Variants in HERC3 observed in about 807,000 individuals in gnomAD.
HERC3 encodes the protein probable E3 ubiquitin-protein ligase HERC3.
Under a neutral mutation model 129.9 loss-of-function variants are expected in HERC3, and 58 were observed. The observed-to-expected ratio is 0.45, with a 90% confidence interval of 0.36 to 0.56. The LOEUF (loss-of-function observed/expected upper bound fraction) is 0.56, where lower values mean the gene tolerates loss of function less well. Ranked by LOEUF, HERC3 falls within the 20% of genes least tolerant of loss-of-function variation. HERC3 has a pLI of 0.00. For synonymous variants in HERC3, 430 were observed against 451.0 expected (o/e 0.95, Z 0.59); for missense variants, 835 against 1,244.2 (o/e 0.67, Z 4.95).
At chr4:88,690,194 A>G (rs773260549) in intron 23 of HERC3, 81 of 982,338 alleles carry the variant, frequency 8.2e-5, no homozygotes, top group Non-Finnish European at 9.4e-5. Context: ...TTTATATAAC[A>G]TTGGTACTTT....
At chr4:88,524,973 G>A in the HERC3 span, 1 of 151,562 alleles carries the variant, frequency 6.6e-6, no homozygotes, top group South Asian at 2.1e-4. Flanking sequence ...ACTGACAAAT[G>A]TTTATATGTT....
chr4:88,686,871 A>C (rs1188024890), intron 22 of HERC3, 69 bp downstream of exon 22: 5 of 1,110,042 alleles, frequency 4.5e-6, no homozygotes, highest in Non-Finnish European at 6.8e-6. Context: ...GATATTTAAC[A>C]TTAGTTCTTC....
intron 3 of HERC3, among the ~76,000 whole-genome samples, chr4:88,632,413 C>T (rs1726875497): frequency 6.6e-6 from 1 of 152,126 alleles, no homozygotes; most frequent in Non-Finnish European, 1.5e-5. Context: ...TAGGAAAAAC[C>T]AGGAAAATTT....
At chr4:88,620,453 T>A (rs917735163) in intron 3 of HERC3, among the ~76,000 whole-genome samples, 6 of 152,200 alleles carry the variant, frequency 3.9e-5, no homozygotes, top group Admixed American at 3.9e-4. Flanking sequence ...CATCCCTGAT[T>A]TGTCTTGTCT....
the HERC3 span, among the ~76,000 whole-genome samples, chr4:88,544,196 T>G: frequency 6.6e-6 from 1 of 152,128 alleles, no homozygotes; most frequent in Non-Finnish European, 1.5e-5. Context: ...ATATCCAGAA[T>G]CTACAAGGAA....
chr4:88,596,945 ATTC>A (rs1722465615), intron 2 of HERC3, among the ~76,000 whole-genome samples: 1 of 152,234 alleles, frequency 6.6e-6, no homozygotes, highest in Non-Finnish European at 1.5e-5. Context: ...CATACTCTGA[ATTC>A]TTCTGTGACT....
chr4:88,538,366 G>C, the HERC3 span, among the ~76,000 whole-genome samples: 3 of 152,152 alleles, frequency 2.0e-5, no homozygotes, highest in African/African-American at 7.2e-5. Context: ...CTATAACAAA[G>C]TACCACAGAC....
At chr4:88,610,173 G>C (rs1167773705) in intron 3 of HERC3, among the ~76,000 whole-genome samples, 1 of 152,022 alleles carries the variant, frequency 6.6e-6, no homozygotes, top group East Asian at 1.9e-4. Flanking sequence ...GCCTTACCTG[G>C]GCCAGGTGCA....
the HERC3 span, among the ~76,000 whole-genome samples, chr4:88,545,911 A>C: frequency 1.3e-5 from 2 of 152,192 alleles, no homozygotes; most frequent in African/African-American, 2.4e-5. Context: ...AGTGCTCTAT[A>C]TTTCCAACCT....
intron 8 of HERC3, 122 bp from the exon 9 acceptor site, chr4:88,655,753 A>G (rs1468091894): frequency 1.1e-6 from 1 of 905,188 alleles, no homozygotes; most frequent in Non-Finnish European, 1.7e-6. Flanking sequence ...TCACGTGTTA[A>G]CATGGGAAAG....
At chr4:88,569,718 C>T in the HERC3 span, among the ~76,000 whole-genome samples, 1 of 152,228 alleles carries the variant, frequency 6.6e-6, no homozygotes, top group Non-Finnish European at 1.5e-5. Context: ...CTCAGCCCTC[C>T]AGGTCATGCA....
intron 18 of HERC3, among the ~76,000 whole-genome samples, chr4:88,677,197 G>C (rs1732266789): frequency 6.6e-6 from 1 of 152,094 alleles, no homozygotes; most frequent in Non-Finnish European, 1.5e-5. Flanking sequence ...CAGACAGAAG[G>C]CTGGATTTGA....
At chr4:88,570,454 A>G in the HERC3 span, among the ~76,000 whole-genome samples, 1 of 152,186 alleles carries the variant, frequency 6.6e-6, no homozygotes, top group African/African-American at 2.4e-5. Flanking sequence ...AAAATCAATT[A>G]AAAAATATAG....
chr4:88,554,050 G>T, the HERC3 span, among the ~76,000 whole-genome samples: 1 of 152,060 alleles, frequency 6.6e-6, no homozygotes, highest in Non-Finnish European at 1.5e-5. Context: ...AATGCCTAAG[G>T]ATTTAAAATG....
At chr4:88,682,629 A>G (rs1732922601) in intron 21 of HERC3, among the ~76,000 whole-genome samples, 1 of 152,020 alleles carries the variant, frequency 6.6e-6, no homozygotes, top group Non-Finnish European at 1.5e-5. Flanking sequence ...GGCTTCATCC[A>G]TGTCCCTACA....
rs138894777 is a variant in HERC3, at chr4:88,664,285, G to A, written c.1331+73G>A. ...CAAGCTATTTGGAAGGCTGACACAG[G>A]AGGATTGCTTGAGTTTAGGAGTTTG... On this transcript the variant is annotated intron_variant, in intron 12 of 25. Transcript: ENST00000402738. 4.5e-5 allele frequency: 56 copies of A among 1,254,794 alleles called. No homozygotes were observed. The East Asian group carries it at 1.2e-3, about 27-fold the overall frequency. 77.7% of individuals were successfully genotyped at this position (1,254,794 alleles called of 1,614,324 possible).
At chr4:88,651,144 A>G (rs1729230790) in intron 4 of HERC3, among the ~76,000 whole-genome samples, 1 of 152,196 alleles carries the variant, frequency 6.6e-6, no homozygotes. Context: ...AAATGTTTAT[A>G]ACATTAATGG....
At chr4:88,602,230 G>C (rs939737200) in intron 2 of HERC3, among the ~76,000 whole-genome samples, 7 of 151,542 alleles carry the variant, frequency 4.6e-5, no homozygotes, top group Non-Finnish European at 7.4e-5. Context: ...GCGAAACCCT[G>C]TCTCTACTAA....
At chr4:88,590,390 C>T (rs569663426), upstream of HERC3, among the ~76,000 whole-genome samples, 20 of 152,232 alleles carry the variant, frequency 1.3e-4, no homozygotes, top group East Asian at 1.9e-3. Flanking sequence ...GAAACCCCGT[C>T]TCTACTGAAA....
Sources: allele counts gnomAD v4.1 joint callset (sites outside exome capture counted in the v4.1 genomes callset), GRCh38; gene constraint gnomAD v4.1.1; transcripts MANE v1.5; gene names NCBI Gene and HGNC (gene_info 2026-07-23, HGNC 2026-07-21).